Variants in GADL1 observed in about 807,000 individuals in gnomAD.
The protein encoded by GADL1 is acidic amino acid decarboxylase GADL1.
In GADL1, 71 loss-of-function variants were observed where a neutral mutation model predicts 69.5. The observed-to-expected ratio is 1.02, with a 90% CI of 0.84 to 1.25. The LOEUF is 1.25. Ranked by LOEUF, GADL1 falls within the 50% of genes most tolerant of loss-of-function variation. The pLI is 0.00. For synonymous variants in GADL1, 254 were observed against 214.4 expected, an observed-to-expected ratio of 1.18 and a Z score of -1.62; for missense variants, 737 against 631.8, an observed-to-expected ratio of 1.17 and a Z score of -1.79.
At chr3:30,730,912 T>A (rs953409225) in intron 14 of GADL1, among the ~76,000 whole-genome samples, 1 of 152,202 alleles carries the variant, frequency 6.6e-6, no homozygotes, top group African/African-American at 2.4e-5. Context: ...CACTCACATA[T>A]AATTTAAACC....
At chr3:30,876,413 TG>T (rs75403923) in intron 1 of GADL1, among the ~76,000 whole-genome samples, 31,614 of 151,984 alleles carry the variant, frequency 0.21, 3,768 homozygotes, top group Admixed American at 0.32. Flanking sequence ...CCTATTTCTA[TG>T]GTGTAAAGAC....
At chr3:30,790,925 A>T (rs1696899186) in intron 12 of GADL1, among the ~76,000 whole-genome samples, 1 of 152,162 alleles carries the variant, frequency 6.6e-6, no homozygotes, top group Admixed American at 6.6e-5. Context: ...AAAGCACAGG[A>T]TGATCATGAT....
At chr3:30,827,127 C>T (rs1023825792) in intron 11 of GADL1, among the ~76,000 whole-genome samples, 1 of 151,828 alleles carries the variant, frequency 6.6e-6, no homozygotes, top group Non-Finnish European at 1.5e-5. Flanking sequence ...AAACACATTG[C>T]CATTTGGTGG....
At chr3:30,813,556 G>A (rs1391841286) in intron 11 of GADL1, among the ~76,000 whole-genome samples, 1 of 152,178 alleles carries the variant, frequency 6.6e-6, no homozygotes, top group Non-Finnish European at 1.5e-5. Flanking sequence ...TTCTCAAATA[G>A]AATTTTACAT....
At chr3:30,754,521 C>A (rs189735525) in intron 14 of GADL1, among the ~76,000 whole-genome samples, 1 of 152,196 alleles carries the variant, frequency 6.6e-6, no homozygotes, top group East Asian at 1.9e-4. Context: ...AATATGGAGT[C>A]CAAATTCTAC....
At chr3:30,856,606 G>T (rs922705282) in intron 3 of GADL1, among the ~76,000 whole-genome samples, 4 of 151,996 alleles carry the variant, frequency 2.6e-5, no homozygotes, top group Non-Finnish European at 4.4e-5. Context: ...TTATATTAAA[G>T]ATACCTTTTG....
intron 14 of GADL1, among the ~76,000 whole-genome samples, chr3:30,729,726 T>C (rs1345545919): frequency 6.6e-6 from 1 of 152,228 alleles, no homozygotes. Context: ...GAAGATATTA[T>C]GTGTTGAACT....
At chr3:30,859,791 G>GT (rs1698291487) in intron 2 of GADL1, among the ~76,000 whole-genome samples, 1 of 151,856 alleles carries the variant, frequency 6.6e-6, no homozygotes, top group African/African-American at 2.4e-5. Flanking sequence ...CTCAAACAAG[G>GT]TAGGCTAAGT....
intron 14 of GADL1, among the ~76,000 whole-genome samples, chr3:30,732,783 C>A (rs144556234): frequency 1.3e-5 from 2 of 152,284 alleles, no homozygotes; most frequent in East Asian, 3.9e-4. Context: ...CAGGGTCGGG[C>A]ATGGTTGCTC....
chr3:30,814,202 C>T (rs920012308), intron 11 of GADL1, among the ~76,000 whole-genome samples: 3 of 152,110 alleles, frequency 2.0e-5, no homozygotes, highest in African/African-American at 7.2e-5. Context: ...CAAAGTCACA[C>T]AAGGCAGTCC....
rs187130456 is a variant in GADL1, at chr3:30,803,250, C to G, written c.1051-2162G>C. On this transcript the variant is annotated intron_variant, in intron 11 of 14. Transcript: ENST00000282538. The stretch of plus-strand genomic sequence containing the variant: ...AGATTTTATCATCAATATCTCTCCT[C>G]TGATCACAGTTGCCACTGCTGCATC... Among the ~76,000 whole-genome samples the G allele has an allele frequency of 2.0e-5, 3 of 152,302 alleles. No individual in the cohort carries two copies. The East Asian group carries it at 5.8e-4, about 29-fold the overall frequency.
chr3:30,801,553 G>C (rs116085088), intron 11 of GADL1, among the ~76,000 whole-genome samples: 150 of 152,156 alleles, frequency 9.9e-4, no homozygotes, highest in Middle Eastern at 3.4e-3. Flanking sequence ...ACATAACTCA[G>C]GGATAAAAAC....
intron 11 of GADL1, among the ~76,000 whole-genome samples, chr3:30,821,549 AAAG>A (rs1697580937): frequency 6.6e-6 from 1 of 151,928 alleles, no homozygotes; most frequent in Non-Finnish European, 1.5e-5. Flanking sequence ...AAGAAGTTAA[AAAG>A]AATCTTTGTG....
At chr3:30,802,270 T>C (rs1391629405) in intron 11 of GADL1, among the ~76,000 whole-genome samples, 1 of 152,196 alleles carries the variant, frequency 6.6e-6, no homozygotes, top group Non-Finnish European at 1.5e-5. Context: ...AAGCAGGTTC[T>C]TGGGAGCAGG....
chr3:30,836,666 T>G (rs1184188198), intron 9 of GADL1, among the ~76,000 whole-genome samples: 4 of 152,084 alleles, frequency 2.6e-5, no homozygotes, highest in African/African-American at 4.8e-5. Context: ...GGAATTGAGA[T>G]TTGGCAGCCT....
chr3:30,743,069 T>C (rs554411526), intron 14 of GADL1, among the ~76,000 whole-genome samples: 329 of 152,206 alleles, frequency 2.2e-3, no homozygotes, highest in Non-Finnish European at 3.6e-3. Context: ...AAATGCTACA[T>C]AAATTTTTTT....
At chr3:30,809,766 G>A (rs1697318660) in intron 11 of GADL1, among the ~76,000 whole-genome samples, 1 of 152,102 alleles carries the variant, frequency 6.6e-6, no homozygotes, top group African/African-American at 2.4e-5. Context: ...ATATTACTTG[G>A]ATTTATTACA....
Position 30,846,064 on chromosome 3 carries a change from A to C in GADL1, c.652-1598T>G, listed in dbSNP as rs553711775. 1.3e-3 allele frequency among the ~76,000 whole-genome samples: 196 copies of C among 152,202 alleles called. 1 individual carries two copies. The highest frequency in any genetic ancestry group is 4.5e-3 in the African/African-American group (188 of 41,562). ...CTGAGATAGATAGATCAAAAAAAAA[A>C]AAAACAAAAAACTGCAAAACTGAAG... is the stretch of plus-strand genomic sequence containing the variant. On this transcript the variant is annotated intron_variant, in intron 6 of 14. Transcript: ENST00000282538.
At position 30,804,425 on chromosome 3, in the gene GADL1, T is replaced by C. The variant is rs77834998; in HGVS notation, c.1051-3337A>G. ...TTTTGACTAACATTTAGTTACTTAG[T>C]CTGCGTCCTCTAGGTCTCCACCTTG... is the stretch of plus-strand genomic sequence containing the variant. On this transcript the variant is annotated intron_variant, in intron 11 of 14. Transcript: ENST00000282538. 2.6e-4 allele frequency among the ~76,000 whole-genome samples: 40 copies of C among 152,316 alleles called. No homozygotes were observed. The East Asian group carries it at 7.3e-3, about 28-fold the overall frequency.
Sources: gnomAD v4.1 joint callset for allele counts (sites outside exome capture counted in the v4.1 genomes callset) on GRCh38, gnomAD v4.1.1 for gene constraint, MANE v1.5 for transcripts, NCBI Gene and HGNC (gene_info 2026-07-23, HGNC 2026-07-21) for gene names.